Variants in KLHL38 observed in about 807,000 individuals in gnomAD.
KLHL38 encodes kelch like family member 38.
KLHL38 carries 38 observed loss-of-function variants against 39.6 expected under a neutral mutation model. The ratio of observed to expected loss-of-function variants is 0.96; its 90% CI spans 0.74 to 1.26. The LOEUF is 1.26. KLHL38 is among the 50% of genes most tolerant of loss of function. The pLI is 0.00. For synonymous variants in KLHL38, 322 were observed against 302.2 expected (o/e 1.07, Z -0.68); for missense variants, 803 against 748.1 (o/e 1.07, Z -0.86).
At chr8:123,646,478 A>G (rs577059129) in intron 3 of KLHL38, among the ~76,000 whole-genome samples, 8 of 152,362 alleles carry the variant, frequency 5.3e-5, no homozygotes, top group Admixed American at 3.3e-4. Flanking sequence ...TAAAAAGTAT[A>G]TAGCCAGTTA....
chr8:123,647,415 A>G (rs1005776381), intron 2 of KLHL38, among the ~76,000 whole-genome samples: 1 of 152,196 alleles, frequency 6.6e-6, no homozygotes, highest in African/African-American at 2.4e-5. Flanking sequence ...GTTCTGGTTT[A>G]TCCAAGAAGG....
In KLHL38 at chr8:123,652,342, C is replaced by T. The variant is rs983202242; in HGVS notation, c.585G>A (p.Lys195=). The stretch of plus-strand genomic sequence containing the variant: ...TCCAAACCATGAGGGCCTCAAACAC[C>T]TTTTCCTCCTCCCCACAGAGCCCAT... ...GDDGLCGEEE[K]VFEALMVWIK... Residue 195 remains lysine (K), a synonymous_variant, in exon 2 of 4, where the codon AAG becomes AAA. Transcript: ENST00000684634. The T allele has an allele frequency of 6.8e-6, 11 of 1,613,826 alleles. No individual in the cohort carries two copies. Among genetic ancestry groups the T allele is most frequent in the Admixed American group, 5.0e-5 (3 of 60,010 alleles).
At chr8:123,651,197 A>G (rs1323318515) in intron 2 of KLHL38, among the ~76,000 whole-genome samples, 1 of 152,112 alleles carries the variant, frequency 6.6e-6, no homozygotes, top group Non-Finnish European at 1.5e-5. Context: ...ATGGGTGCAC[A>G]TGTGTGTGCA....
intron 2 of KLHL38, among the ~76,000 whole-genome samples, chr8:123,650,258 T>A (rs574396492): frequency 1.1e-3 from 175 of 152,198 alleles, no homozygotes; most frequent in Middle Eastern, 6.8e-3. Flanking sequence ...GAAGGAGAGT[T>A]GTCTTGGGTC....
chr8:123,645,485 C>CAGAG lies in KLHL38; in HGVS notation c.*250_*253dup. 4.4e-6 allele frequency: 2 copies of CAGAG among 458,042 alleles called. No individual in the cohort carries two copies. Among genetic ancestry groups the CAGAG allele is most frequent in the East Asian group, 3.6e-5 (1 of 27,854 alleles). 28.4% of individuals were successfully genotyped at this position (458,042 alleles called of 1,614,324 possible). A position where few individuals can be genotyped will look rare whatever the true frequency, so the allele number is the denominator to read the frequency against. On this transcript the variant is annotated 3_prime_UTR_variant, in exon 4 of 4. Transcript: ENST00000684634. ...AGAGAGAGAGAGAGAGAGAGACAGA[C>CAGAG]AGAGATAGGGGAGAGAAAGAAAGAA...
At chr8:123,651,432 G>T in intron 2 of KLHL38, 145 bp downstream of exon 2, 1 of 832,832 alleles carries the variant, frequency 1.2e-6, no homozygotes, top group Non-Finnish European at 1.9e-6. Flanking sequence ...GTGTGTTTGT[G>T]TATATGTGTG....
rs1211876775 is a variant in KLHL38, at chr8:123,649,092, C to A, written c.1351-2078G>T. On this transcript the variant is annotated intron_variant, in intron 2 of 3. Coordinates refer to ENST00000684634, the MANE Select transcript of KLHL38 (RefSeq NM_001081675.3). ...CTTGGCAACATCTTGTTTGATGGTACTATACATTTCTTGATATGCTAGCTT... is the reference window on the plus strand; with the variant it reads ...CTTGGCAACATCTTGTTTGATGGTAATATACATTTCTTGATATGCTAGCTT... Among the ~76,000 whole-genome samples, 6 of 152,308 alleles carry A rather than the reference C, an allele frequency of 3.9e-5. No individual in the cohort carries two copies. In the East Asian group the frequency reaches 1.2e-3, roughly 29 times the overall value.
chr8:123,651,774 T>G lies in KLHL38; in HGVS notation c.1153A>C (p.Ile385Leu), dbSNP rs747250127. ...TCTCCAATCCCCCCGATGGAGAAGA[T>G]GAAGTTCTTATGGGCAGTGCTTCTG... ...SHRSTAHKNF[I>L]FSIGGIGEGQ... The change falls in exon 2 of 4, where the codon ATC becomes CTC. Residue 385 changes from isoleucine to leucine, a missense_variant. Transcript: ENST00000684634. The G allele has an allele frequency of 6.2e-7, 1 of 1,614,140 alleles. No homozygotes were observed. Among genetic ancestry groups the G allele is most frequent in the East Asian group, 2.2e-5 (1 of 44,868 alleles).
At chr8:123,650,122 C>T (rs1033409052) in intron 2 of KLHL38, among the ~76,000 whole-genome samples, 3 of 150,964 alleles carry the variant, frequency 2.0e-5, no homozygotes, top group Admixed American at 2.0e-4. Flanking sequence ...CTCTCCTGCC[C>T]CTCTGCTCAA....
chr8:123,647,142 A>G (rs539557038), intron 2 of KLHL38, 128 bp from the exon 3 acceptor site: 3 of 642,996 alleles, frequency 4.7e-6, no homozygotes, highest in East Asian at 5.1e-5. Flanking sequence ...AGTTTTAAAA[A>G]TGTAGCTATT....
At position 123,652,827 on chromosome 8, in the gene KLHL38, T is replaced by C. The variant is rs1812679639; in HGVS notation, c.100A>G (p.Thr34Ala). 6.2e-7 allele frequency: 1 copy of C among 1,612,616 alleles called. No individual in the cohort carries two copies. The highest frequency in any genetic ancestry group is 1.3e-5 in the African/African-American group (1 of 74,902). ...LNSLRQSRILTDVSICAGARE... is the reference protein window; with the variant it reads ...LNSLRQSRILADVSICAGARE... Reference sequence around the variant, plus strand: ...GCACCGGCACAGATGCTCACATCAGTCAGGATCCTGCTTTGCCTTAAGCTG... The same window carrying C: ...GCACCGGCACAGATGCTCACATCAGCCAGGATCCTGCTTTGCCTTAAGCTG... The change falls in exon 2 of 4, where the codon ACT (threonine) becomes GCT (alanine). Residue 34 changes from threonine (T) to alanine (A), a missense_variant. Thr to Ala is a moderately conservative substitution (Grantham distance 58). Coordinates refer to ENST00000684634, the MANE Select transcript of KLHL38 (RefSeq NM_001081675.3).
chr8:123,652,864 C>T lies in KLHL38; in HGVS notation c.63G>A (p.Leu21=), dbSNP rs1812681116. The T allele has an allele frequency of 1.9e-6, 3 of 1,606,832 alleles. No homozygotes were observed. The highest frequency in any genetic ancestry group is 1.7e-6 in the Non-Finnish European group (2 of 1,179,964). Residue 21 remains leucine (L), a synonymous_variant, in exon 2 of 4, where the codon TTG becomes TTA. Coordinates refer to ENST00000684634, the MANE Select transcript of KLHL38 (RefSeq NM_001081675.3). The part of the protein sequence containing the change: ...FKDHDFSSDL[L]RQLNSLRQSR... ...TTTGCCTTAAGCTGTTGAGCTGCCT[C>T]AACAAGTCAGAAGAGAAGTCGTGGT...
chr8:123,648,549 A>G (rs1203769351), intron 2 of KLHL38, among the ~76,000 whole-genome samples: 1 of 152,240 alleles, frequency 6.6e-6, no homozygotes, highest in East Asian at 1.9e-4. Context: ...ATTTTACTTG[A>G]ATGAATAATT....
chr8:123,645,936 T>C lies in KLHL38; in HGVS notation c.1549A>G (p.Thr517Ala). Residue 517 changes from threonine to alanine, a missense_variant, in exon 4 of 4, where the codon ACA becomes GCA. By Grantham distance (58) the Thr-to-Ala change is moderately conservative. Transcript: ENST00000684634. ...MKDRRMHHGATVMGNKLYVTG... is the reference protein window; with the variant it reads ...MKDRRMHHGAAVMGNKLYVTG... ...ACGTAGAGTTTGTTTCCCATCACTG[T>C]GGCCCCATGGTGCATCCTCCGGTCT... 1 of 1,614,180 alleles carries C rather than the reference T, an allele frequency of 6.2e-7. No homozygotes were observed. The highest frequency in any genetic ancestry group is 1.1e-5 in the South Asian group (1 of 91,070).
chr8:123,652,498 T>C lies in KLHL38; in HGVS notation c.429A>G (p.Ser143=). Residue 143 remains serine, a synonymous_variant, in exon 2 of 4, where the codon TCA becomes TCG. Transcript: ENST00000684634. ...PSNCLGMIRL[S]EILSCETLKK... ...TGAGGGTCTCGCAGCTTAAGATTTC[T>C]GAGAGTCTGATCATACCCAGGCAGT... 6.2e-7 allele frequency: 1 copy of C among 1,614,234 alleles called. No individual in the cohort carries two copies.
chr8:123,645,702 A>G lies in KLHL38; in HGVS notation c.*37T>C. Reference sequence around the variant, plus strand: ...CTGGGTTTGTGTCCCTGGCGACAGAAGGCATTTTGACTAGGGCAGAAGGTT... The same window carrying G: ...CTGGGTTTGTGTCCCTGGCGACAGAGGGCATTTTGACTAGGGCAGAAGGTT... On this transcript the variant is annotated 3_prime_UTR_variant, in exon 4 of 4. Transcript: ENST00000684634. The G allele has an allele frequency of 4.4e-6, 7 of 1,602,738 alleles. No homozygotes were observed. Among genetic ancestry groups the G allele is most frequent in the Non-Finnish European group, 6.0e-6 (7 of 1,172,244 alleles).
At chr8:123,651,539 C>T (rs1812643130) in intron 2 of KLHL38, 38 bp downstream of exon 2, 1 of 1,534,144 alleles carries the variant, frequency 6.5e-7, no homozygotes, top group Non-Finnish European at 8.7e-7. Flanking sequence ...AGCACACATA[C>T]TCATGCAGTT....
rs1437184274 is a variant in KLHL38 at position 123,647,064 on chromosome 8, TG to T, written c.1351-51del. ...ACTGCATTTTAAAGTGAAATATTCT[TG>T]AAAAAAGACAGAAGTAGTAATTACG... On this transcript the variant is annotated intron_variant, in intron 2 of 3. Coordinates refer to ENST00000684634, the MANE Select transcript of KLHL38 (RefSeq NM_001081675.3). The T allele has an allele frequency of 6.6e-6, 7 of 1,066,454 alleles. No homozygotes were observed. In the African/African-American group the frequency reaches 1.1e-4, roughly 17 times the overall value. 66.1% of individuals were successfully genotyped at this position (1,066,454 alleles called of 1,614,324 possible).
intron 1 of KLHL38, among the ~76,000 whole-genome samples, chr8:123,653,171 G>A (rs879377152): frequency 3.3e-5 from 5 of 152,202 alleles, no homozygotes; most frequent in Middle Eastern, 3.2e-3. Context: ...AGTATCTTCA[G>A]CTAATCTGAG....
Sources: allele counts gnomAD v4.1 joint callset (sites outside exome capture counted in the v4.1 genomes callset), GRCh38; gene constraint gnomAD v4.1.1; transcripts MANE v1.5; gene names NCBI Gene and HGNC (gene_info 2026-07-23, HGNC 2026-07-21).